GNG7: variants seen among roughly 807,000 people sequenced by gnomAD.
GNG7 encodes the protein guanine nucleotide-binding protein G(I)/G(S)/G(O) subunit gamma-7.
A neutral mutation model predicts 4.0 loss-of-function variants in GNG7; 1 was observed. The ratio of observed to expected loss-of-function variants is 0.25; its 90% CI spans 0.09 to 1.18. The LOEUF (loss-of-function observed/expected upper bound fraction) is 1.18, where lower values mean the gene tolerates loss of function less well. Ranked by LOEUF, GNG7 falls within the 50% of genes most tolerant of loss-of-function variation. The probability of loss-of-function intolerance (pLI) is 0.50; values close to 1 mark genes in which losing one functional copy is unlikely to be tolerated. For missense variants in GNG7, 86 were observed against 91.9 expected (o/e 0.94, Z 0.26); for synonymous variants, 34 against 36.9 (o/e 0.92, Z 0.29).
rs1269784594 is a variant in GNG7 at position 2,617,494 on chromosome 19, C to A, written c.-78+28730G>T. Among the ~76,000 whole-genome samples the A allele has an allele frequency of 6.6e-6, 1 of 152,148 alleles. No homozygotes were observed. The highest frequency in any genetic ancestry group is 1.9e-4 in the East Asian group (1 of 5,190). On this transcript the variant is annotated intron_variant, in intron 2 of 4. Transcript: ENST00000382159. This position sits in a 1 kb window ranked among gnomAD's most constrained non-coding sequence, Gnocchi z 4.7. ...TTCAGACTGTTCTTCTCCCCATCCT[C>A]CTCTCCACCTCCAGCCCTCAAAGAC...
At chr19:2,523,424 A>G (rs778107152) in intron 3 of GNG7, among the ~76,000 whole-genome samples, 2 of 151,356 alleles carry the variant, frequency 1.3e-5, no homozygotes, top group Non-Finnish European at 2.9e-5. Context: ...TGGGTAGCGC[A>G]CTCCTGTGGT....
At chr19:2,580,723 C>T (rs1980478232) in intron 2 of GNG7, among the ~76,000 whole-genome samples, 1 of 152,094 alleles carries the variant, frequency 6.6e-6, no homozygotes, top group African/African-American at 2.4e-5. Context: ...CACTCAGCCT[C>T]CCAAGTAGCT....
rs1338026855 is a variant in GNG7, at chr19:2,643,652, C to T, written c.-78+2572G>A. The T allele has an allele frequency of 3.3e-5, 15 of 455,660 alleles. No individual in the cohort carries two copies. The East Asian group carries it at 9.8e-4, about 30-fold the overall frequency. 28.2% of individuals were successfully genotyped at this position (455,660 alleles called of 1,614,324 possible). A position where few individuals can be genotyped will look rare whatever the true frequency, so the allele number is the denominator to read the frequency against. Reference sequence around the variant, plus strand: ...ACCTCTCCGGGCTCTGCACACCTTCCAGCCCTGCGCCTCCTTTTTCGGGCT... The same window carrying T: ...ACCTCTCCGGGCTCTGCACACCTTCTAGCCCTGCGCCTCCTTTTTCGGGCT... On this transcript the variant is annotated intron_variant, in intron 2 of 4. Transcript: ENST00000382159.
intron 2 of GNG7, among the ~76,000 whole-genome samples, chr19:2,568,212 C>T (rs999283338): frequency 1.5e-4 from 22 of 151,538 alleles, no homozygotes; most frequent in African/African-American, 5.1e-4. Flanking sequence ...TAGACATACA[C>T]ATACAGACAT....
intron 2 of GNG7, among the ~76,000 whole-genome samples, chr19:2,563,330 C>T (rs1187696503): frequency 6.6e-6 from 1 of 152,156 alleles, no homozygotes; most frequent in Non-Finnish European, 1.5e-5. Context: ...GGGGTGGGGC[C>T]GTCCTCGGCA....
chr19:2,578,351 G>T (rs974663196), intron 2 of GNG7, among the ~76,000 whole-genome samples: 1 of 152,072 alleles, frequency 6.6e-6, no homozygotes, highest in East Asian at 1.9e-4. Context: ...CTCCTGACTC[G>T]CCCTGTTCTC....
chr19:2,515,237 G>A, intron 4 of GNG7, 90 bp from the exon 5 acceptor site: 2 of 1,544,468 alleles, frequency 1.3e-6, no homozygotes, highest in East Asian at 2.3e-5. Flanking sequence ...AAGAGCCACA[G>A]GCGGAAACAG....
intron 3 of GNG7, among the ~76,000 whole-genome samples, chr19:2,523,568 C>T (rs1242960789): frequency 2.0e-5 from 3 of 152,054 alleles, no homozygotes; most frequent in African/African-American, 7.2e-5. Context: ...GTTAGTGCCT[C>T]AACTACGGTG....
At chr19:2,540,683 T>C (rs947089270) in intron 3 of GNG7, among the ~76,000 whole-genome samples, 6 of 152,160 alleles carry the variant, frequency 3.9e-5, no homozygotes, top group African/African-American at 9.7e-5. Context: ...GGCCTGTCTC[T>C]GCCGAGCAGA....
chr19:2,512,898 T>A lies in GNG7; in HGVS notation c.*2124A>T, dbSNP rs939818667. The A allele has an allele frequency of 4.1e-6, 4 of 985,210 alleles. No individual in the cohort carries two copies. The highest frequency in any genetic ancestry group is 4.8e-6 in the Non-Finnish European group (4 of 829,746). The allele number at this position is 985,210 out of a possible 1,614,324, so 61.0% of individuals were successfully genotyped here. On this transcript the variant is annotated 3_prime_UTR_variant, in exon 5 of 5. Coordinates refer to ENST00000382159, the MANE Select transcript of GNG7 (RefSeq NM_052847.3). This position sits in a 1 kb window ranked among gnomAD's most constrained non-coding sequence, Gnocchi z 4.7. ...TTCCTGCCATTCCTGCTATGCGTGGTGGGGACGCCCACACCCCAAACCCTG... is the reference window on the plus strand; with the variant it reads ...TTCCTGCCATTCCTGCTATGCGTGGAGGGGACGCCCACACCCCAAACCCTG...
intron 2 of GNG7, among the ~76,000 whole-genome samples, chr19:2,586,706 C>T (rs529336992): frequency 1.5e-5 from 2 of 129,996 alleles, no homozygotes; most frequent in South Asian, 5.1e-4. Flanking sequence ...TCACCTTGGC[C>T]GGGTGCAGTG....
intron 4 of GNG7, among the ~76,000 whole-genome samples, chr19:2,515,798 G>C (rs749120563): frequency 1.3e-5 from 2 of 152,018 alleles, no homozygotes; most frequent in African/African-American, 4.8e-5. Context: ...CGTGGGTGCC[G>C]GTGCTGGGGA....
At chr19:2,587,862 AGAAGGAAG>A (rs71178293) in intron 2 of GNG7, among the ~76,000 whole-genome samples, 25,290 of 144,844 alleles carry the variant, frequency 0.17, 2,413 homozygotes, top group African/African-American at 0.23. Flanking sequence ...AGAGAAAGAG[AGAAGGAAG>A]GAAGGAAGGA....
At chr19:2,641,268 G>A (rs753367927) in intron 2 of GNG7, among the ~76,000 whole-genome samples, 1 of 152,192 alleles carries the variant, frequency 6.6e-6, no homozygotes, top group Non-Finnish European at 1.5e-5. Flanking sequence ...CATTCCCCAT[G>A]TCAGCAGAAG....
chr19:2,693,943 A>G (rs1014519258), intron 1 of GNG7, among the ~76,000 whole-genome samples: 5 of 151,874 alleles, frequency 3.3e-5, no homozygotes, highest in South Asian at 4.2e-4. Context: ...CATTTTGTAA[A>G]CCCATCACTC....
chr19:2,648,730 CA>C (rs1982731728), intron 1 of GNG7, among the ~76,000 whole-genome samples: 1 of 152,286 alleles, frequency 6.6e-6, no homozygotes, highest in South Asian at 2.1e-4. Flanking sequence ...GCCTGCCACT[CA>C]GGACAGCAGC....
chr19:2,612,001 A>G (rs1309651801), intron 2 of GNG7: 1 of 151,880 alleles, frequency 6.6e-6, no homozygotes, highest in East Asian at 1.9e-4. Flanking sequence ...AGCCTCCCCA[A>G]GTAGCTGGAA....
At chr19:2,602,942 C>CCTTT (rs1022995691) in intron 2 of GNG7, among the ~76,000 whole-genome samples, 1 of 136,262 alleles carries the variant, frequency 7.3e-6, no homozygotes, top group African/African-American at 2.7e-5. Flanking sequence ...TTCCTTTCTT[C>CCTTT]CTTTCTTTCT....
intron 2 of GNG7, among the ~76,000 whole-genome samples, chr19:2,602,210 G>A (rs74176401): frequency 0.4 from 60,757 of 152,068 alleles, 13,482 homozygotes; most frequent in Middle Eastern, 0.53. Context: ...GGTGGTGCAC[G>A]CCTGTAATCT....
Sources: gnomAD v4.1 joint callset for allele counts (sites outside exome capture counted in the v4.1 genomes callset) on GRCh38, gnomAD v4.1.1 for gene constraint, Gnocchi (gnomAD v3.1) non-coding constraint, MANE v1.5 for transcripts, NCBI Gene and HGNC (gene_info 2026-07-23, HGNC 2026-07-21) for gene names.